BMERB1: variants seen among roughly 807,000 people sequenced by gnomAD.
The protein encoded by BMERB1 is bMERB domain-containing protein 1.
BMERB1 carries 12 observed loss-of-function variants against 23.6 expected under a neutral mutation model. The observed-to-expected ratio is 0.51, with a 90% confidence interval of 0.33 to 0.82. The LOEUF (loss-of-function observed/expected upper bound fraction) is 0.82, where lower values mean the gene tolerates loss of function less well. BMERB1 is among the 40% of genes least tolerant of loss of function. The probability of loss-of-function intolerance (pLI) is 0.03; values close to 1 mark genes in which losing one functional copy is unlikely to be tolerated. For missense variants in BMERB1, 247 were observed against 255.4 expected, an observed-to-expected ratio of 0.97 and a Z score of 0.22; for synonymous variants, 122 against 96.6, an observed-to-expected ratio of 1.26 and a Z score of -1.54.
At chr16:15,536,663 C>T (rs2150961382) in intron 2 of BMERB1, 1 of 152,382 alleles carries the variant, frequency 6.6e-6, no homozygotes, top group Non-Finnish European at 1.5e-5. Context: ...GCGTCTCAGC[C>T]TTGACTGCCT....
chr16:15,567,852 C>A (rs1414061176), intron 2 of BMERB1, 131 bp from the exon 3 acceptor site: 1 of 729,254 alleles, frequency 1.4e-6, no homozygotes, highest in African/African-American at 1.8e-5. Flanking sequence ...GGGAAAACCT[C>A]TACAATGAGC....
rs76785872 is a variant in BMERB1 at position 15,570,627 on chromosome 16, T to G, written c.304+2571T>G. 3.8e-3 allele frequency among the ~76,000 whole-genome samples: 576 copies of G among 152,218 alleles called. 2 individuals are homozygous for G. The highest frequency in any genetic ancestry group is 6.5e-3 in the Non-Finnish European group (441 of 68,018). On this transcript the variant is annotated intron_variant, in intron 3 of 5. Coordinates refer to ENST00000300006, the MANE Select transcript of BMERB1 (RefSeq NM_033201.3). ...CTTGGACCAAGAGCAAGAAAGAATT[T>G]AGGGCGAGTCCGTAAAGTGAAAGCA...
chr16:15,462,087 A>G (rs1396072145), intron 1 of BMERB1, among the ~76,000 whole-genome samples: 2 of 149,592 alleles, frequency 1.3e-5, no homozygotes, highest in Non-Finnish European at 3.0e-5. Context: ...TACTTATCCT[A>G]CACAAAAATT....
At chr16:15,498,482 C>T (rs2051496529) in intron 1 of BMERB1, among the ~76,000 whole-genome samples, 1 of 150,970 alleles carries the variant, frequency 6.6e-6, no homozygotes, top group Non-Finnish European at 1.5e-5. Context: ...TATGATCACA[C>T]CACTGAACTC....
chr16:15,494,266 A>G (rs1234218245), intron 1 of BMERB1, among the ~76,000 whole-genome samples: 1 of 152,122 alleles, frequency 6.6e-6, no homozygotes, highest in Non-Finnish European at 1.5e-5. Flanking sequence ...CACAGCCCTA[A>G]TGATTTGCTT....
intron 1 of BMERB1, among the ~76,000 whole-genome samples, chr16:15,444,354 A>G (rs2050972306): frequency 6.6e-6 from 1 of 151,508 alleles, no homozygotes; most frequent in Admixed American, 6.6e-5. Context: ...TTTTAGAGGA[A>G]CAGAGCTAGA....
chr16:15,500,276 G>C (rs1485363255), intron 1 of BMERB1, among the ~76,000 whole-genome samples: 1 of 152,258 alleles, frequency 6.6e-6, no homozygotes, highest in African/African-American at 2.4e-5. Context: ...CAGCCGACCT[G>C]TGGGGCCTGC....
At chr16:15,546,754 C>T (rs1272165618) in intron 2 of BMERB1, among the ~76,000 whole-genome samples, 1 of 152,210 alleles carries the variant, frequency 6.6e-6, no homozygotes, top group East Asian at 1.9e-4. Flanking sequence ...GGTCCAGTTG[C>T]TGGGGTGATT....
At chr16:15,528,078 C>T (rs2051927185) in intron 2 of BMERB1, among the ~76,000 whole-genome samples, 1 of 152,144 alleles carries the variant, frequency 6.6e-6, no homozygotes, top group Admixed American at 6.5e-5. Context: ...CAGATTTAAA[C>T]ACTGTCTTAG....
At chr16:15,466,019 A>C (rs1448884950) in intron 1 of BMERB1, among the ~76,000 whole-genome samples, 1 of 152,070 alleles carries the variant, frequency 6.6e-6, no homozygotes, top group Non-Finnish European at 1.5e-5. Context: ...TCCATTTTTC[A>C]GTATTACCAG....
At chr16:15,514,922 T>C (rs1248627651) in intron 1 of BMERB1, among the ~76,000 whole-genome samples, 1 of 151,722 alleles carries the variant, frequency 6.6e-6, no homozygotes, top group Non-Finnish European at 1.5e-5. Flanking sequence ...TACTAAAAAA[T>C]ATACAACAAA....
chr16:15,564,861 A>C (rs904097253), intron 2 of BMERB1, among the ~76,000 whole-genome samples: 2 of 152,120 alleles, frequency 1.3e-5, no homozygotes, highest in African/African-American at 2.4e-5. Flanking sequence ...TAACCTACTG[A>C]CCTGCATGTT....
At chr16:15,542,631 ATTTTTTTTTTT>A (rs927255507) in intron 2 of BMERB1, among the ~76,000 whole-genome samples, 5 of 96,872 alleles carry the variant, frequency 5.2e-5, no homozygotes, top group African/African-American at 8.5e-5. Context: ...CCTCCTAGGG[ATTTTTTTTTTT>A]TTTTTTTTTT....
At chr16:15,532,662 C>G (rs146226634) in intron 2 of BMERB1, among the ~76,000 whole-genome samples, 7,902 of 151,206 alleles carry the variant, frequency 0.052, 260 homozygotes, top group South Asian at 0.08. Context: ...TCGCCTGCCT[C>G]AGCCTCCCAA....
intron 1 of BMERB1, chr16:15,502,234 TA>T: frequency 1.3e-6 from 2 of 1,504,806 alleles, no homozygotes; most frequent in Non-Finnish European, 1.8e-6. Context: ...TCGCAGAAGT[TA>T]AAAAAATGTG....
intron 2 of BMERB1, among the ~76,000 whole-genome samples, chr16:15,521,336 T>G (rs1314823783): frequency 6.6e-6 from 1 of 152,222 alleles, no homozygotes; most frequent in Non-Finnish European, 1.5e-5. Context: ...GTCAGTCTGC[T>G]GGGAATGTGC....
rs992559465 is a variant in BMERB1 at position 15,527,114 on chromosome 16, A to T, written c.230+11686A>T. ...ATATTTACTATCTGAAACCATTTCTAAGAGTACAGTTCTATGTCATTAAGA... is the reference window on the plus strand; with the variant it reads ...ATATTTACTATCTGAAACCATTTCTTAGAGTACAGTTCTATGTCATTAAGA... On this transcript the variant is annotated intron_variant, in intron 2 of 5. Coordinates refer to ENST00000300006, the MANE Select transcript of BMERB1 (RefSeq NM_033201.3). Among the ~76,000 whole-genome samples, 11 of 151,972 alleles carry T rather than the reference A, an allele frequency of 7.2e-5. 1 individual carries two copies. The highest frequency in any genetic ancestry group is 2.7e-4 in the African/African-American group (11 of 41,380).
chr16:15,510,961 C>G (rs2051657061), intron 1 of BMERB1, among the ~76,000 whole-genome samples: 1 of 152,154 alleles, frequency 6.6e-6, no homozygotes, highest in Admixed American at 6.5e-5. Flanking sequence ...TTCGGCCTCT[C>G]AAAGTGCTGG....
At chr16:15,528,761 A>G (rs984294236) in intron 2 of BMERB1, among the ~76,000 whole-genome samples, 2 of 151,902 alleles carry the variant, frequency 1.3e-5, no homozygotes, top group Admixed American at 6.6e-5. Context: ...CTAAATACAT[A>G]TGTCGACATC....
Sources: allele counts gnomAD v4.1 joint callset (sites outside exome capture counted in the v4.1 genomes callset), GRCh38; gene constraint gnomAD v4.1.1; transcripts MANE v1.5; gene names NCBI Gene and HGNC (gene_info 2026-07-23, HGNC 2026-07-21).